IL7: variants seen among roughly 807,000 people sequenced by gnomAD.
The protein encoded by IL7 is interleukin 7, also known as interleukin-7.
Under a neutral mutation model 21.6 loss-of-function variants are expected in IL7, and 3 were observed. The observed-to-expected ratio is 0.14, with a 90% CI of 0.06 to 0.36. The LOEUF (loss-of-function observed/expected upper bound fraction) is 0.36, where lower values mean the gene tolerates loss of function less well. Ranked by LOEUF, IL7 falls within the 10% of genes least tolerant of loss-of-function variation. The pLI, the probability that IL7 is intolerant of heterozygous loss-of-function variation, is 1.00. For synonymous variants in IL7, 62 were observed against 68.1 expected (o/e 0.91, Z 0.44); for missense variants, 175 against 200.2 (o/e 0.87, Z 0.76).
At chr8:78,756,649 T>A (rs944504871) in intron 2 of IL7, among the ~76,000 whole-genome samples, 1 of 151,962 alleles carries the variant, frequency 6.6e-6, no homozygotes, top group African/African-American at 2.4e-5. Flanking sequence ...ATTTCTGTGG[T>A]ATCAGTTGTA....
chr8:78,694,601 C>T (rs1324287968), intron 3 of IL7, among the ~76,000 whole-genome samples: 1 of 152,146 alleles, frequency 6.6e-6, no homozygotes, highest in Non-Finnish European at 1.5e-5. Flanking sequence ...TCTCATTTGA[C>T]ATTCAGTGCT....
intron 2 of IL7, chr8:78,761,850 C>G: frequency 1.2e-6 from 2 of 1,611,976 alleles, no homozygotes; most frequent in African/African-American, 1.3e-5. Flanking sequence ...AAGAGACCTT[C>G]TGGGATTTCA....
intron 2 of IL7, chr8:78,762,450 C>G (rs937301529): frequency 1.9e-6 from 3 of 1,567,162 alleles, no homozygotes; most frequent in Non-Finnish European, 2.6e-6. Context: ...GCCCGCCGGC[C>G]GGTCCAGCCC....
chr8:78,704,605 T>C (rs1381464698), intron 3 of IL7, among the ~76,000 whole-genome samples: 1 of 152,158 alleles, frequency 6.6e-6, no homozygotes, highest in Non-Finnish European at 1.5e-5. Context: ...AGTATCTTAC[T>C]GGGGTTCTCT....
At chr8:78,799,588 A>G (rs995450933) in intron 1 of IL7, among the ~76,000 whole-genome samples, 1 of 152,114 alleles carries the variant, frequency 6.6e-6, no homozygotes, top group African/African-American at 2.4e-5. Flanking sequence ...AATGATGATG[A>G]TGCTAGTTAC....
intron 2 of IL7, chr8:78,760,031 A>T: frequency 4.6e-6 from 4 of 878,298 alleles, no homozygotes; most frequent in Non-Finnish European, 4.9e-6. Context: ...TGGCTAATGT[A>T]TTCAATGGAG....
chr8:78,798,564 A>T (rs1008362491), intron 1 of IL7, among the ~76,000 whole-genome samples: 1 of 152,060 alleles, frequency 6.6e-6, no homozygotes, highest in East Asian at 1.9e-4. Flanking sequence ...GGTGCACTAC[A>T]GTTCGAAGAG....
chr8:78,731,443 T>C, downstream of IL7, among the ~76,000 whole-genome samples: 1 of 151,920 alleles, frequency 6.6e-6, no homozygotes, highest in Admixed American at 6.6e-5. Flanking sequence ...GCTACATGAA[T>C]GAGTTTTTAG....
chr8:78,744,209 C>T lies in IL7; in HGVS notation c.148-4127G>A, dbSNP rs538311613. ...TTCAGTACCCAAATAGCAGAGATGT[C>T]AGCCCACCCCTCCCTCTGAGACCTC... On this transcript the variant is annotated intron_variant, in intron 2 of 5. Coordinates refer to ENST00000263851, the MANE Select transcript of IL7 (RefSeq NM_000880.4). Among the ~76,000 whole-genome samples, 9 of 152,224 alleles carry T rather than the reference C, an allele frequency of 5.9e-5. No individual in the cohort carries two copies. In the South Asian group the frequency reaches 6.2e-4, roughly 11 times the overall value.
chr8:78,804,988 A>G lies in IL7; in HGVS notation c.-66T>C. ...GAGCAGGAGCAAGCTCTCACCGCCC[A>G]TAGTCACTCCCAGGACCCTGGTCTT... On this transcript the variant is annotated 5_prime_UTR_variant, in exon 1 of 6. The change abolishes an upstream ATG in the 5' untranslated region. Coordinates refer to ENST00000263851, the MANE Select transcript of IL7 (RefSeq NM_000880.4). 6.4e-7 allele frequency: 1 copy of G among 1,571,592 alleles called. No homozygotes were observed. Among genetic ancestry groups the G allele is most frequent in the East Asian group, 2.3e-5 (1 of 43,430 alleles).
chr8:78,790,448 A>G (rs1396681906), intron 2 of IL7, among the ~76,000 whole-genome samples: 1 of 152,192 alleles, frequency 6.6e-6, no homozygotes, highest in Non-Finnish European at 1.5e-5. Context: ...AGATTATTCA[A>G]AATTAGCTCT....
At chr8:78,746,969 T>C (rs1182502870) in intron 2 of IL7, 1 of 440,776 alleles carries the variant, frequency 2.3e-6, no homozygotes. Context: ...GGAGAGAAAG[T>C]CAATATGGTT....
intron 4 of IL7, among the ~76,000 whole-genome samples, chr8:78,676,948 CAT>C (rs1371457962): frequency 1.3e-5 from 2 of 151,968 alleles, no homozygotes; most frequent in African/African-American, 4.8e-5. Context: ...TAATAAGGAA[CAT>C]ATGTACATGG....
chr8:78,762,818 AT>A (rs1188920354), intron 2 of IL7, among the ~76,000 whole-genome samples: 1 of 151,536 alleles, frequency 6.6e-6, no homozygotes, highest in South Asian at 2.1e-4. Flanking sequence ...CAGAGGTGTC[AT>A]TTTTTTCTTG....
At chr8:78,775,796 G>A (rs1400670497) in intron 2 of IL7, among the ~76,000 whole-genome samples, 1 of 152,010 alleles carries the variant, frequency 6.6e-6, no homozygotes, top group East Asian at 1.9e-4. Flanking sequence ...TAACTGGGGG[G>A]GCGCTTAGAA....
At chr8:78,758,526 G>T (rs983588489) in intron 2 of IL7, among the ~76,000 whole-genome samples, 2 of 152,010 alleles carry the variant, frequency 1.3e-5, no homozygotes, top group South Asian at 2.1e-4. Flanking sequence ...AGCATTTATT[G>T]TATGGTTGAT....
At chr8:78,740,548 T>A (rs1002974896) in intron 2 of IL7, among the ~76,000 whole-genome samples, 1 of 152,190 alleles carries the variant, frequency 6.6e-6, no homozygotes, top group Admixed American at 6.5e-5. Flanking sequence ...GAATCACAAA[T>A]GTATAACATA....
At chr8:78,744,318 A>T (rs1356946427) in intron 2 of IL7, among the ~76,000 whole-genome samples, 3 of 151,968 alleles carry the variant, frequency 2.0e-5, no homozygotes, top group Non-Finnish European at 1.5e-5. Flanking sequence ...GTCCTGCCCA[A>T]TAAGGAGGGA....
intron 2 of IL7, among the ~76,000 whole-genome samples, chr8:78,748,280 A>G (rs1203491469): frequency 6.6e-6 from 1 of 152,210 alleles, no homozygotes; most frequent in Non-Finnish European, 1.5e-5. Flanking sequence ...GTTTGGAGAG[A>G]TTCAAGAAAG....
Sources: allele counts gnomAD v4.1 joint callset (sites outside exome capture counted in the v4.1 genomes callset), GRCh38; gene constraint gnomAD v4.1.1; transcripts MANE v1.5; gene names NCBI Gene and HGNC (gene_info 2026-07-23, HGNC 2026-07-21).